The following NR1D2 variants were observed in gnomAD, a reference collection of about 807,000 sequenced individuals.
The protein encoded by NR1D2 is V-erbA-related protein 1-related.
NR1D2 carries 25 observed loss-of-function variants against 52.2 expected under a neutral mutation model. The ratio of observed to expected loss-of-function variants is 0.48; its 90% CI spans 0.35 to 0.67. The LOEUF (loss-of-function observed/expected upper bound fraction) is 0.67, where lower values mean the gene tolerates loss of function less well. Among genes scored for constraint, NR1D2 ranks in the 30% least tolerant of loss-of-function variants. NR1D2 has a pLI of 0.01. For synonymous variants in NR1D2, 259 were observed against 230.1 expected (o/e 1.13, Z -1.14); for missense variants, 681 against 707.2 (o/e 0.96, Z 0.42).
In NR1D2 at chr3:23,945,448, C is replaced by G; in HGVS notation, c.-131C>G. On this transcript the variant is annotated 5_prime_UTR_variant, in exon 1 of 8. Coordinates refer to ENST00000312521, the MANE Select transcript of NR1D2 (RefSeq NM_005126.5). The stretch of plus-strand genomic sequence containing the variant: ...CGGCCTGGGGCCCGGGAGCCCCGCC[C>G]GCTCTGCCCATGAGGGGGCCCCGCG... 2.8e-6 allele frequency: 1 copy of G among 359,006 alleles called. No individual in the cohort carries two copies. Among genetic ancestry groups the G allele is most frequent in the Non-Finnish European group, 4.1e-6 (1 of 246,394 alleles). The allele number at this position is 359,006 out of a possible 1,614,324, so 22.2% of individuals were successfully genotyped here. A position where few individuals can be genotyped will look rare whatever the true frequency, so the allele number is the denominator to read the frequency against.
At chr3:23,953,341 TCAAAAAAAAAAA>T (rs1705995012) in intron 1 of NR1D2, among the ~76,000 whole-genome samples, 1 of 35,336 alleles carries the variant, frequency 2.8e-5, no homozygotes, top group Admixed American at 4.7e-4. Flanking sequence ...AGACTCTGTC[TCAAAAAAAAAAA>T]AAAAAAAAAA....
intron 4 of NR1D2, among the ~76,000 whole-genome samples, chr3:23,961,389 C>CTTTTTTTTTT (rs869108010): frequency 1.8e-3 from 136 of 75,880 alleles, no homozygotes; most frequent in Middle Eastern, 0.011. Context: ...CTTTTTCTTT[C>CTTTTTTTTTT]TTTTTTTTTT....
chr3:23,962,262 A>G lies in NR1D2; in HGVS notation c.803A>G (p.Asn268Ser), dbSNP rs1706270568. 6.2e-7 allele frequency: 1 copy of G among 1,614,108 alleles called. No homozygotes were observed. Among genetic ancestry groups the G allele is most frequent in the East Asian group, 2.2e-5 (1 of 44,898 alleles). Reference sequence around the variant, plus strand: ...GCTCACAAGGATACCTTTATGTATAATCAAGAGCAGCAAGAAAACTCAGCT... The same window carrying G: ...GCTCACAAGGATACCTTTATGTATAGTCAAGAGCAGCAAGAAAACTCAGCT... ...TRAHKDTFMY[N>S]QEQQENSAES... The change falls in exon 5 of 8, where the codon AAT becomes AGT. Residue 268 changes from asparagine (N) to serine (S), a missense_variant. Physicochemically the swap from Asn to Ser is conservative, Grantham distance 46 (BLOSUM62 1). Transcript: ENST00000312521.
chr3:23,969,138 T>C (rs895364996), intron 7 of NR1D2, among the ~76,000 whole-genome samples: 8 of 151,936 alleles, frequency 5.3e-5, no homozygotes, highest in Non-Finnish European at 8.8e-5. Flanking sequence ...ATACAAAAAT[T>C]AGCCGGGCAT....
At chr3:23,946,814 A>G (rs1375815203) in intron 1 of NR1D2, among the ~76,000 whole-genome samples, 1 of 152,246 alleles carries the variant, frequency 6.6e-6, no homozygotes, top group Non-Finnish European at 1.5e-5. Context: ...GCAACGGAAC[A>G]ACAGGGTGCC....
chr3:23,977,376 A>G lies in NR1D2; in HGVS notation c.1697A>G (p.Asn566Ser), dbSNP rs1276963161. The G allele has an allele frequency of 2.5e-6, 4 of 1,612,210 alleles. No homozygotes were observed. Among genetic ancestry groups the G allele is most frequent in the East Asian group, 2.2e-5 (1 of 44,872 alleles). The change falls in exon 8 of 8, where the codon AAC becomes AGC. Residue 566 changes from asparagine (N) to serine (S), a missense_variant. Asn to Ser is a conservative substitution (Grantham distance 46, BLOSUM62 1). Transcript: ENST00000312521. ...LKLPDLRSLN[N>S]MHSEELLAFK... ...TTGCCAGATCTTCGATCTTTAAACA[A>G]CATGCACTCTGAGGAGCTCTTGGCC...
chr3:23,961,030 T>G (rs1314375147), intron 4 of NR1D2, among the ~76,000 whole-genome samples: 1 of 152,260 alleles, frequency 6.6e-6, no homozygotes, highest in African/African-American at 2.4e-5. Context: ...CATTTTTACT[T>G]ATTTCACTGG....
At chr3:23,972,796 A>C (rs1362828997) in intron 7 of NR1D2, among the ~76,000 whole-genome samples, 1 of 152,198 alleles carries the variant, frequency 6.6e-6, no homozygotes, top group Non-Finnish European at 1.5e-5. Flanking sequence ...TTAACATTAT[A>C]GTCTCCAGAA....
At chr3:23,961,708 T>G (rs1706251893) in intron 4 of NR1D2, among the ~76,000 whole-genome samples, 1 of 152,196 alleles carries the variant, frequency 6.6e-6, no homozygotes, top group Non-Finnish European at 1.5e-5. Flanking sequence ...ATTTCCTATT[T>G]CTTTTCTTAG....
intron 3 of NR1D2, among the ~76,000 whole-genome samples, chr3:23,959,410 G>GAC (rs1439106120): frequency 1.1e-4 from 16 of 152,206 alleles, no homozygotes; most frequent in Admixed American, 2.0e-4. Context: ...TTTGGGTAAG[G>GAC]ACAAAGAATC....
intron 1 of NR1D2, among the ~76,000 whole-genome samples, chr3:23,950,397 A>G (rs1362836332): frequency 6.6e-6 from 1 of 152,254 alleles, no homozygotes; most frequent in Non-Finnish European, 1.5e-5. Flanking sequence ...AAGTTAATTC[A>G]CAGAGTTCTT....
intron 2 of NR1D2, 103 bp downstream of exon 2, chr3:23,954,906 T>G (rs4858096): frequency 0.093 from 97,722 of 1,045,976 alleles, 6,105 homozygotes; most frequent in African/African-American, 0.24. Context: ...GGGTACAGTT[T>G]TCACTCCTTG....
At chr3:23,970,631 G>A (rs1429263944) in intron 7 of NR1D2, among the ~76,000 whole-genome samples, 1 of 152,122 alleles carries the variant, frequency 6.6e-6, no homozygotes, top group Admixed American at 6.5e-5. Flanking sequence ...AAGTGTGAAA[G>A]ACTGATTGTA....
At chr3:23,951,387 A>G (rs931292538) in intron 1 of NR1D2, among the ~76,000 whole-genome samples, 2 of 152,216 alleles carry the variant, frequency 1.3e-5, no homozygotes, top group Admixed American at 6.5e-5. Context: ...TTTAGAGAAG[A>G]CAAATAGCTG....
chr3:23,969,181 G>C (rs1187444660), intron 7 of NR1D2, among the ~76,000 whole-genome samples: 2 of 152,170 alleles, frequency 1.3e-5, no homozygotes, highest in Non-Finnish European at 2.9e-5. Context: ...AGCTACTCAG[G>C]AGGCTGAAGC....
intron 6 of NR1D2, among the ~76,000 whole-genome samples, chr3:23,965,421 T>G: frequency 6.6e-6 from 1 of 150,944 alleles, no homozygotes; most frequent in East Asian, 1.9e-4. Context: ...TTTGTTTTTT[T>G]TTTTTTGTAG....
intron 1 of NR1D2, among the ~76,000 whole-genome samples, chr3:23,953,384 G>T (rs6781957): frequency 6.9e-6 from 1 of 145,276 alleles, no homozygotes; most frequent in East Asian, 2.0e-4. Flanking sequence ...CCAGTTTTCA[G>T]AAGGGTTGTG....
At chr3:23,975,720 T>G (rs901529404) in intron 7 of NR1D2, among the ~76,000 whole-genome samples, 3 of 152,186 alleles carry the variant, frequency 2.0e-5, no homozygotes, top group African/African-American at 7.2e-5. Flanking sequence ...ATCGCACCAC[T>G]GCATTCCAGC....
chr3:23,952,912 T>C lies in NR1D2; in HGVS notation c.17-1625T>C, dbSNP rs183153577. 3.2e-4 allele frequency among the ~76,000 whole-genome samples: 48 copies of C among 152,054 alleles called. No individual in the cohort carries two copies. In the East Asian group the frequency reaches 6.2e-3, roughly 20 times the overall value. ...TTGGTGCTTAAAAACACATCTGATA[T>C]CTACTACATGACAGACTAAAAGTGA... is the stretch of plus-strand genomic sequence containing the variant. On this transcript the variant is annotated intron_variant, in intron 1 of 7. Transcript: ENST00000312521.
Sources: allele counts gnomAD v4.1 joint callset (sites outside exome capture counted in the v4.1 genomes callset), GRCh38; gene constraint gnomAD v4.1.1; transcripts MANE v1.5; gene names NCBI Gene and HGNC (gene_info 2026-07-23, HGNC 2026-07-21).